Variants in TTC23 observed in about 807,000 individuals in gnomAD.
The protein encoded by TTC23 is tetratricopeptide repeat domain 23.
Under a neutral mutation model 55.1 loss-of-function variants are expected in TTC23, and 58 were observed. The ratio of observed to expected loss-of-function variants is 1.05; its 90% CI spans 0.85 to 1.31. TTC23 has a LOEUF of 1.31. Among genes scored for constraint, TTC23 ranks in the 50% most tolerant of loss-of-function variants. The probability of loss-of-function intolerance (pLI) is 0.00; values close to 1 mark genes in which losing one functional copy is unlikely to be tolerated. For missense variants in TTC23, 516 were observed against 534.4 expected, an observed-to-expected ratio of 0.97 and a Z score of 0.34; for synonymous variants, 203 against 199.9, an observed-to-expected ratio of 1.02 and a Z score of -0.13.
At chr15:99,247,845 T>TGATGAAAATTTTCTAAAAG (rs1486203454) in intron 1 of TTC23, among the ~76,000 whole-genome samples, 1 of 151,800 alleles carries the variant, frequency 6.6e-6, no homozygotes, top group Admixed American at 6.6e-5. Flanking sequence ...TTTTCTAAAA[T>TGATGAAAATTTTCTAAAAG]TGGAATGTGG....
chr15:99,155,942 C>A, intron 12 of TTC23: 1 of 598,876 alleles, frequency 1.7e-6, no homozygotes, highest in East Asian at 2.8e-5. Context: ...ACTGATAATT[C>A]ATTTAAAAAA....
chr15:99,142,311 G>C (rs1441706255), intron 12 of TTC23, among the ~76,000 whole-genome samples: 2 of 152,190 alleles, frequency 1.3e-5, no homozygotes, highest in East Asian at 3.8e-4. Flanking sequence ...CCACCCATCA[G>C]TGAGAGGCCC....
At chr15:99,150,134 C>G (rs868940703) in intron 12 of TTC23, among the ~76,000 whole-genome samples, 2 of 152,226 alleles carry the variant, frequency 1.3e-5, no homozygotes, top group East Asian at 3.8e-4. Flanking sequence ...GGAAAAGCTT[C>G]CCAGCGGCCT....
At chr15:99,223,245 A>C (rs1039437567) in intron 5 of TTC23, among the ~76,000 whole-genome samples, 1 of 151,972 alleles carries the variant, frequency 6.6e-6, no homozygotes, top group Non-Finnish European at 1.5e-5. Flanking sequence ...CTCCTCCCCA[A>C]CCTCCCTGAA....
chr15:99,141,686 C>T (rs1204977899), intron 12 of TTC23, among the ~76,000 whole-genome samples: 2 of 152,092 alleles, frequency 1.3e-5, no homozygotes, highest in Non-Finnish European at 2.9e-5. Flanking sequence ...TTTAGGTCTT[C>T]AAGAAAATTA....
chr15:99,175,077 C>T lies in TTC23; in HGVS notation c.838G>A (p.Val280Ile). 1 of 1,614,170 alleles carries T rather than the reference C, an allele frequency of 6.2e-7. No homozygotes were observed. Among genetic ancestry groups the T allele is most frequent in the South Asian group, 1.1e-5 (1 of 91,088 alleles). Residue 280 changes from valine (V) to isoleucine (I), a missense_variant, in exon 10 of 14, where the codon GTC becomes ATC. Coordinates refer to ENST00000394132, the MANE Select transcript of TTC23 (RefSeq NM_001288615.3). ...TGGTGCTCGTGTCTCCCTGAAGCGA[C>T]AGCAGCATGGGCGACGATGTGTGCC... is the stretch of plus-strand genomic sequence containing the variant. Reference protein sequence around the residue: ...DSAHIVAHAAVASGRHEHHDV... With the variant: ...DSAHIVAHAAIASGRHEHHDV...
intron 4 of TTC23, among the ~76,000 whole-genome samples, chr15:99,233,312 C>T (rs2079071697): frequency 6.6e-6 from 1 of 152,152 alleles, no homozygotes; most frequent in South Asian, 2.1e-4. Flanking sequence ...TATTTCAAAA[C>T]ATCATGTTGT....
intron 9 of TTC23, among the ~76,000 whole-genome samples, chr15:99,185,791 T>C (rs2151955075): frequency 6.6e-6 from 1 of 152,194 alleles, no homozygotes; most frequent in Middle Eastern, 3.2e-3. Flanking sequence ...AGGGATGAGG[T>C]AGATGACGGC....
At chr15:99,201,293 C>T (rs1456593611) in intron 8 of TTC23, among the ~76,000 whole-genome samples, 1 of 152,164 alleles carries the variant, frequency 6.6e-6, no homozygotes, top group African/African-American at 2.4e-5. Flanking sequence ...AAACACAGCA[C>T]ATATTTAAAA....
At chr15:99,187,862 G>C (rs2074868065) in intron 9 of TTC23, among the ~76,000 whole-genome samples, 1 of 152,028 alleles carries the variant, frequency 6.6e-6, no homozygotes, top group Admixed American at 6.5e-5. Flanking sequence ...TGAGGATGTG[G>C]AGATATTGGA....
At chr15:99,169,475 A>T (rs1567381274) in intron 10 of TTC23, among the ~76,000 whole-genome samples, 1 of 152,184 alleles carries the variant, frequency 6.6e-6, no homozygotes, top group Non-Finnish European at 1.5e-5. Context: ...CCAGGTGTCC[A>T]TGTCACCTGT....
intron 9 of TTC23, among the ~76,000 whole-genome samples, chr15:99,181,054 G>C: frequency 6.6e-6 from 1 of 152,222 alleles, no homozygotes. Context: ...ACCATTGAAA[G>C]TGATGTGAAC....
intron 9 of TTC23, among the ~76,000 whole-genome samples, chr15:99,190,906 C>T (rs992017393): frequency 2.6e-5 from 4 of 152,064 alleles, no homozygotes; most frequent in Admixed American, 6.5e-5. Context: ...CTCAGCCACC[C>T]GAGTAGCTGA....
chr15:99,149,625 C>T (rs2069428920), intron 12 of TTC23, among the ~76,000 whole-genome samples: 1 of 152,350 alleles, frequency 6.6e-6, no homozygotes, highest in African/African-American at 2.4e-5. Context: ...AAGATGCACA[C>T]TTGGTGAGCC....
rs866748085 is a variant in TTC23 at position 99,245,490 on chromosome 15, G to C, written c.-410C>G. Reference sequence around the variant, plus strand: ...GATCACACCACTATACTCCAGCCTGGGTGACAGAGCGAGACTCCATCTCAA... The same window carrying C: ...GATCACACCACTATACTCCAGCCTGCGTGACAGAGCGAGACTCCATCTCAA... On this transcript the variant is annotated 5_prime_UTR_variant, in exon 2 of 14. Coordinates refer to ENST00000394132, the MANE Select transcript of TTC23 (RefSeq NM_001288615.3). 1.3e-5 allele frequency: 2 copies of C among 149,424 alleles called. No homozygotes were observed. The highest frequency in any genetic ancestry group is 6.7e-5 in the Admixed American group (1 of 14,894). The allele number at this position is 149,424 out of a possible 1,614,324, so 9.3% of individuals were successfully genotyped here. A position where few individuals can be genotyped will look rare whatever the true frequency, so the allele number is the denominator to read the frequency against.
chr15:99,138,614 C>T (rs1308010869), intron 13 of TTC23, among the ~76,000 whole-genome samples: 5 of 152,226 alleles, frequency 3.3e-5, no homozygotes, highest in Non-Finnish European at 2.9e-5. Flanking sequence ...CGCCTGGCCC[C>T]TCCCATCTTT....
intron 11 of TTC23, chr15:99,158,122 A>C (rs932216782): frequency 1.3e-5 from 2 of 152,270 alleles, no homozygotes; most frequent in Non-Finnish European, 2.9e-5. Context: ...GTGAAAGAGG[A>C]ATCTCTGTAG....
rs60920515 is a variant in TTC23 at position 99,202,283 on chromosome 15, G to GA, written c.582-2188dup. ...CAATGCCAGGGATATTTGAGAGAAGGAAAAAAATATTCATCTTTTTCCTCG... is the reference window on the plus strand; with the variant it reads ...CAATGCCAGGGATATTTGAGAGAAGGAAAAAAAATATTCATCTTTTTCCTCG... On this transcript the variant is annotated intron_variant, in intron 8 of 13. Transcript: ENST00000394132. Among the ~76,000 whole-genome samples, 7 of 152,058 alleles carry GA rather than the reference G, an allele frequency of 4.6e-5. No individual in the cohort carries two copies. In the South Asian group the frequency reaches 1.0e-3, roughly 23 times the overall value.
chr15:99,215,812 G>A (rs2077436913), intron 8 of TTC23, among the ~76,000 whole-genome samples: 1 of 151,786 alleles, frequency 6.6e-6, no homozygotes, highest in Middle Eastern at 3.2e-3. Flanking sequence ...CAAATTAATG[G>A]GTATAAAATG....
Sources: gnomAD v4.1 joint callset for allele counts (sites outside exome capture counted in the v4.1 genomes callset) on GRCh38, gnomAD v4.1.1 for gene constraint, MANE v1.5 for transcripts, NCBI Gene and HGNC (gene_info 2026-07-23, HGNC 2026-07-21) for gene names.